Variants in PIK3C2A observed in about 807,000 individuals in gnomAD.
PIK3C2A encodes phosphatidylinositol-4-phosphate 3-kinase catalytic subunit type 2 alpha.
Under a neutral mutation model 204.5 loss-of-function variants are expected in PIK3C2A, and 97 were observed. That is an observed-to-expected ratio of 0.47 (90% CI 0.40 to 0.56). The LOEUF is 0.56. Ranked by LOEUF, PIK3C2A falls within the 20% of genes least tolerant of loss-of-function variation. The probability of loss-of-function intolerance (pLI) is 0.00; values close to 1 mark genes in which losing one functional copy is unlikely to be tolerated. For missense variants in PIK3C2A, 1,735 were observed against 1,969.2 expected (o/e 0.88, Z 2.25); for synonymous variants, 653 against 664.4 (o/e 0.98, Z 0.26).
chr11:17,205,116 T>G (rs1852519729), intron 1 of PIK3C2A, among the ~76,000 whole-genome samples: 1 of 150,404 alleles, frequency 6.6e-6, no homozygotes, highest in Non-Finnish European at 1.5e-5. Flanking sequence ...GGCAAAAGTT[T>G]CAGTGAGCTG....
intron 2 of PIK3C2A, among the ~76,000 whole-genome samples, chr11:17,163,487 T>C (rs1850848723): frequency 1.3e-5 from 2 of 152,110 alleles, no homozygotes; most frequent in Admixed American, 6.6e-5. Flanking sequence ...CATTGCAGCC[T>C]CAAACTCCTG....
intron 3 of PIK3C2A, 133 bp downstream of exon 3, chr11:17,155,393 A>G: frequency 1.8e-6 from 1 of 549,856 alleles, no homozygotes; most frequent in Non-Finnish European, 3.3e-6. Flanking sequence ...TAACGTGCCA[A>G]TTAACTCTTT....
intron 1 of PIK3C2A, among the ~76,000 whole-genome samples, chr11:17,194,854 A>T (rs1447621918): frequency 6.6e-6 from 1 of 151,524 alleles, no homozygotes; most frequent in African/African-American, 2.4e-5. Flanking sequence ...GGATGCAGTG[A>T]GCCGAGACTG....
intron 1 of PIK3C2A, among the ~76,000 whole-genome samples, chr11:17,187,005 G>C (rs1458905166): frequency 6.6e-6 from 1 of 152,122 alleles, no homozygotes; most frequent in African/African-American, 2.4e-5. Context: ...CTTGAGCCAG[G>C]TCAAGGCTCC....
intron 26 of PIK3C2A, among the ~76,000 whole-genome samples, chr11:17,098,150 A>G (rs1159527418): frequency 1.3e-5 from 2 of 152,240 alleles, no homozygotes. Context: ...GAAGAAGGAT[A>G]TTCAAAAAGA....
intron 30 of PIK3C2A, 36 bp from the exon 31 acceptor site, chr11:17,091,692 T>C (rs757077145): frequency 7.6e-7 from 1 of 1,323,960 alleles, no homozygotes; most frequent in East Asian, 2.3e-5. Context: ...TATTTACTGG[T>C]TGTAGTGGTT....
intron 1 of PIK3C2A, chr11:17,193,457 G>A: frequency 1.3e-5 from 5 of 397,886 alleles, no homozygotes; most frequent in Non-Finnish European, 1.5e-5. Flanking sequence ...CCGGTTCTAG[G>A]TGCTTCAGGA....
chr11:17,093,608 A>T (rs1042425807), intron 28 of PIK3C2A, among the ~76,000 whole-genome samples: 22 of 144,992 alleles, frequency 1.5e-4, no homozygotes, highest in African/African-American at 3.9e-4. Context: ...GGCCCATGAT[A>T]GATTATTTCT....
Position 17,123,133 on chromosome 11 carries a change from CTT to C in PIK3C2A, c.2400-322_2400-321del, listed in dbSNP as rs551411342. ...TAGAAATAGGAAGTTTAAGAATAGTCTTTGAAGATTTTCTACAAAGAAATATA... is the reference window on the plus strand; with the variant it reads ...TAGAAATAGGAAGTTTAAGAATAGTCTGAAGATTTTCTACAAAGAAATATA... On this transcript the variant is annotated intron_variant, in intron 13 of 32. Transcript: ENST00000691414. Among the ~76,000 whole-genome samples, 25 of 152,268 alleles carry C rather than the reference CTT, an allele frequency of 1.6e-4. No homozygotes were observed. The South Asian group carries it at 5.0e-3, about 30-fold the overall frequency.
chr11:17,193,720 T>A (rs1351408312), intron 1 of PIK3C2A, among the ~76,000 whole-genome samples: 1 of 150,912 alleles, frequency 6.6e-6, no homozygotes. Flanking sequence ...ATGGCGCGCG[T>A]CTGTAGTCCC....
chr11:17,182,149 A>C (rs1436408207), intron 1 of PIK3C2A, among the ~76,000 whole-genome samples: 1 of 152,110 alleles, frequency 6.6e-6, no homozygotes, highest in Non-Finnish European at 1.5e-5. Context: ...ATCAGAAAGA[A>C]ATATAGTGGG....
Position 17,104,777 on chromosome 11 carries a change from G to A in PIK3C2A, c.3681+392C>T, listed in dbSNP as rs1486153201. The stretch of plus-strand genomic sequence containing the variant: ...ATAAGGCCCTGTTGCTGAGTGACTT[G>A]GGACGGGACCTGAATTCAAACCCAG... On this transcript the variant is annotated intron_variant, in intron 23 of 32. Coordinates refer to ENST00000691414, the MANE Select transcript of PIK3C2A (RefSeq NM_002645.4). Among the ~76,000 whole-genome samples the A allele has an allele frequency of 2.0e-5, 3 of 150,830 alleles. No homozygotes were observed. The South Asian group carries it at 6.3e-4, about 32-fold the overall frequency.
intron 1 of PIK3C2A, among the ~76,000 whole-genome samples, chr11:17,197,083 G>C (rs1244849471): frequency 3.3e-5 from 5 of 151,848 alleles, no homozygotes; most frequent in Non-Finnish European, 7.4e-5. Context: ...AGGATCACAA[G>C]GTCAGGAGGC....
At chr11:17,110,361 T>G (rs545070155) in intron 22 of PIK3C2A, 71 bp downstream of exon 22, 2 of 1,139,612 alleles carry the variant, frequency 1.8e-6, no homozygotes, top group East Asian at 4.9e-5. Context: ...ATCAGGATGT[T>G]TACGGCAGGT....
chr11:17,204,661 A>G (rs564930599), intron 1 of PIK3C2A, among the ~76,000 whole-genome samples: 1 of 152,272 alleles, frequency 6.6e-6, no homozygotes, highest in Admixed American at 6.5e-5. Context: ...GAAATTCTTG[A>G]GAGCAAGCAC....
intron 1 of PIK3C2A, among the ~76,000 whole-genome samples, chr11:17,205,471 C>A (rs2137595587): frequency 1.2e-5 from 1 of 80,536 alleles, no homozygotes; most frequent in Middle Eastern, 0.01. Flanking sequence ...GAGACTCCAT[C>A]TCAAAAAAAA....
intron 32 of PIK3C2A, among the ~76,000 whole-genome samples, chr11:17,090,974 T>A (rs1157571967): frequency 1.3e-5 from 2 of 151,658 alleles, no homozygotes; most frequent in Non-Finnish European, 2.9e-5. Context: ...CTCAAACTCC[T>A]GAGCTCAAGG....
At chr11:17,111,870 C>CA (rs1470093299) in intron 21 of PIK3C2A, among the ~76,000 whole-genome samples, 1 of 84,634 alleles carries the variant, frequency 1.2e-5, no homozygotes, top group African/African-American at 4.7e-5. Flanking sequence ...AGAGCAAACT[C>CA]AGTCTCCAAA....
intron 1 of PIK3C2A, chr11:17,193,448 C>T (rs976378080): frequency 2.2e-5 from 8 of 360,986 alleles, no homozygotes; most frequent in African/African-American, 1.1e-4. Context: ...ATATAGCTTC[C>T]GGTTCTAGGT....
Sources: allele counts gnomAD v4.1 joint callset (sites outside exome capture counted in the v4.1 genomes callset), GRCh38; gene constraint gnomAD v4.1.1; transcripts MANE v1.5; gene names NCBI Gene and HGNC (gene_info 2026-07-23, HGNC 2026-07-21).